DENND1A: variants seen among roughly 807,000 people sequenced by gnomAD.
The protein encoded by DENND1A is DENN domain containing 1A, also known as DENN domain-containing protein 1A.
In DENND1A, 51 loss-of-function variants were observed where a neutral mutation model predicts 113.7. The ratio of observed to expected loss-of-function variants is 0.45; its 90% CI spans 0.36 to 0.57. The LOEUF (loss-of-function observed/expected upper bound fraction) is 0.57, where lower values mean the gene tolerates loss of function less well. DENND1A is among the 20% of genes least tolerant of loss of function. DENND1A has a pLI of 0.00. For missense variants in DENND1A, 1,258 were observed against 1,395.9 expected, an observed-to-expected ratio of 0.90 and a Z score of 1.57; for synonymous variants, 565 against 570.8, an observed-to-expected ratio of 0.99 and a Z score of 0.14.
chr9:123,910,241 CGA>C (rs1197153047), intron 1 of DENND1A, among the ~76,000 whole-genome samples: 1 of 152,070 alleles, frequency 6.6e-6, no homozygotes, highest in African/African-American at 2.4e-5. Flanking sequence ...TATTAAATAA[CGA>C]GACTTACTTT....
At chr9:123,600,325 T>A (rs905205935) in intron 11 of DENND1A, among the ~76,000 whole-genome samples, 3 of 152,168 alleles carry the variant, frequency 2.0e-5, no homozygotes, top group African/African-American at 7.2e-5. Context: ...CCAATCTGAG[T>A]GTTTTCATGT....
intron 5 of DENND1A, among the ~76,000 whole-genome samples, chr9:123,719,509 C>T (rs982061406): frequency 1.1e-4 from 17 of 152,182 alleles, no homozygotes; most frequent in African/African-American, 1.4e-4. Flanking sequence ...ATCCTTGCAA[C>T]GACTGAGACT....
At chr9:123,900,466 G>C (rs993790721) in intron 1 of DENND1A, among the ~76,000 whole-genome samples, 2 of 152,166 alleles carry the variant, frequency 1.3e-5, no homozygotes, top group African/African-American at 2.4e-5. Flanking sequence ...CTTCAAGTGC[G>C]GCAGGAGGGT....
intron 2 of DENND1A, among the ~76,000 whole-genome samples, chr9:123,807,799 G>T (rs1331480787): frequency 6.6e-6 from 1 of 152,208 alleles, no homozygotes; most frequent in Non-Finnish European, 1.5e-5. Flanking sequence ...TGCCACTTAA[G>T]CTTCACAACT....
intron 1 of DENND1A, among the ~76,000 whole-genome samples, chr9:123,893,685 C>A (rs1037760346): frequency 6.6e-6 from 1 of 152,184 alleles, no homozygotes; most frequent in Non-Finnish European, 1.5e-5. Context: ...GGATCTACAG[C>A]ACTTTACAAA....
Position 123,913,643 on chromosome 9 carries a change from C to T in DENND1A, c.17+16246G>A, listed in dbSNP as rs529700467. ...AAATCCGACCGGGCATGGTGGCTCA[C>T]GCCTGTAATCCCAGCACTTTGGGAG... On this transcript the variant is annotated intron_variant, in intron 1 of 23. Coordinates refer to ENST00000394215, the MANE Select transcript of DENND1A (RefSeq NM_001352964.2). Among the ~76,000 whole-genome samples the T allele has an allele frequency of 2.6e-4, 40 of 152,240 alleles. No individual in the cohort carries two copies. The South Asian group carries it at 5.0e-3, about 19-fold the overall frequency.
intron 19 of DENND1A, among the ~76,000 whole-genome samples, chr9:123,415,395 A>G (rs2044642567): frequency 1.3e-5 from 2 of 152,074 alleles, no homozygotes; most frequent in South Asian, 2.1e-4. Flanking sequence ...AGAAAGGTGA[A>G]CTCCCAGGGG....
intron 2 of DENND1A, among the ~76,000 whole-genome samples, chr9:123,875,434 C>A (rs1446971393): frequency 6.6e-6 from 1 of 152,118 alleles, no homozygotes; most frequent in East Asian, 1.9e-4. Context: ...ATTTTCTATC[C>A]TCCTGCCATA....
chr9:123,711,006 A>G (rs908034914), intron 5 of DENND1A, among the ~76,000 whole-genome samples: 21 of 152,010 alleles, frequency 1.4e-4, no homozygotes, highest in Non-Finnish European at 8.8e-5. Context: ...TCCCCTATCT[A>G]TCTTGGATGA....
intron 9 of DENND1A, among the ~76,000 whole-genome samples, chr9:123,650,615 C>T (rs1040562042): frequency 6.6e-6 from 1 of 152,098 alleles, no homozygotes; most frequent in African/African-American, 2.4e-5. Flanking sequence ...CTGTGATTTA[C>T]TTTGAAATGC....
At chr9:123,566,942 A>ACAC (rs1554883243) in intron 12 of DENND1A, among the ~76,000 whole-genome samples, 3 of 73,072 alleles carry the variant, frequency 4.1e-5, no homozygotes, top group African/African-American at 2.3e-4. Context: ...CACACACACA[A>ACAC]ACACACACAC....
intron 2 of DENND1A, among the ~76,000 whole-genome samples, chr9:123,833,829 C>G (rs1480249341): frequency 6.6e-6 from 1 of 152,130 alleles, no homozygotes; most frequent in Non-Finnish European, 1.5e-5. Flanking sequence ...GGGAGGCCAA[C>G]ATGGGCAGAT....
chr9:123,485,829 G>GT (rs1442853181), intron 13 of DENND1A, among the ~76,000 whole-genome samples: 1 of 151,618 alleles, frequency 6.6e-6, no homozygotes, highest in African/African-American at 2.4e-5. Context: ...CAAAGACTCT[G>GT]TTTTTGGCCT....
At chr9:123,582,368 A>C (rs547329670) in intron 12 of DENND1A, among the ~76,000 whole-genome samples, 1 of 152,192 alleles carries the variant, frequency 6.6e-6, no homozygotes, top group East Asian at 1.9e-4. Context: ...GTTCAAGTCA[A>C]AATAGACTCA....
intron 2 of DENND1A, among the ~76,000 whole-genome samples, chr9:123,866,178 T>C (rs1310778511): frequency 2.0e-5 from 3 of 152,240 alleles, no homozygotes; most frequent in Non-Finnish European, 4.4e-5. Flanking sequence ...AAAACTGGGC[T>C]AAATACACAC....
rs558647638 is a variant in DENND1A, at chr9:123,577,577, G to C, written c.867+5592C>G. On this transcript the variant is annotated intron_variant, in intron 12 of 23. Coordinates refer to ENST00000394215, the MANE Select transcript of DENND1A (RefSeq NM_001352964.2). Reference sequence around the variant, plus strand: ...GTGAATGTTATGTTATCGAATATTGGATTGTGTTGCCTTCTTTTAAAGAGG... The same window carrying C: ...GTGAATGTTATGTTATCGAATATTGCATTGTGTTGCCTTCTTTTAAAGAGG... 4.6e-4 allele frequency among the ~76,000 whole-genome samples: 70 copies of C among 152,242 alleles called. No individual in the cohort carries two copies. In the South Asian group the frequency reaches 0.014, roughly 31 times the overall value.
intron 10 of DENND1A, among the ~76,000 whole-genome samples, chr9:123,622,088 A>G (rs1414196354): frequency 6.6e-6 from 1 of 152,240 alleles, no homozygotes; most frequent in African/African-American, 2.4e-5. Context: ...GAGGCATTTT[A>G]CAAAGTCAAA....
chr9:123,450,495 G>C (rs2047640237), intron 18 of DENND1A, among the ~76,000 whole-genome samples, 198 bp downstream of exon 18: 1 of 152,210 alleles, frequency 6.6e-6, no homozygotes, highest in African/African-American at 2.4e-5. Flanking sequence ...TTAAGCCAGA[G>C]TCTTAATGTT....
At chr9:123,780,711 T>C (rs1232156481) in intron 3 of DENND1A, among the ~76,000 whole-genome samples, 2 of 152,220 alleles carry the variant, frequency 1.3e-5, no homozygotes, top group Non-Finnish European at 2.9e-5. Flanking sequence ...ATATAAAGTA[T>C]CTAAATTGAC....
Sources: gnomAD v4.1 joint callset for allele counts (sites outside exome capture counted in the v4.1 genomes callset) on GRCh38, gnomAD v4.1.1 for gene constraint, MANE v1.5 for transcripts, NCBI Gene and HGNC (gene_info 2026-07-23, HGNC 2026-07-21) for gene names.